The following ART3 variants were observed in gnomAD, a reference collection of about 807,000 sequenced individuals.
The protein encoded by ART3 is ADP-ribosyltransferase 3 (inactive).
ART3 carries 49 observed loss-of-function variants against 48.5 expected under a neutral mutation model. The ratio of observed to expected loss-of-function variants is 1.01; its 90% CI spans 0.80 to 1.28. The LOEUF is 1.28. Among genes scored for constraint, ART3 ranks in the 50% most tolerant of loss-of-function variants. ART3 has a pLI of 0.00. For synonymous variants in ART3, 145 were observed against 157.2 expected (o/e 0.92, Z 0.58); for missense variants, 438 against 454.3 (o/e 0.96, Z 0.33).
rs187621477 is a variant in ART3, at chr4:76,030,529, A to G, written c.-10+19209A>G. On this transcript the variant is annotated intron_variant, in intron 1 of 9. Transcript: ENST00000341029. ...CATTTTAACCATTTAAAAGAGTACAATTCAGTGGAGTTAAGTACTTTCACA... is the reference window on the plus strand; with the variant it reads ...CATTTTAACCATTTAAAAGAGTACAGTTCAGTGGAGTTAAGTACTTTCACA... Among the ~76,000 whole-genome samples the G allele has an allele frequency of 2.8e-3, 429 of 152,352 alleles. 3 individuals carry two copies. The highest frequency in any genetic ancestry group is 9.8e-3 in the African/African-American group (406 of 41,580).
At chr4:76,107,525 A>G in intron 10 of ART3, 1 of 325,358 alleles carries the variant, frequency 3.1e-6, no homozygotes, top group Non-Finnish European at 5.6e-6. Context: ...TTTGTGAATA[A>G]AATTTTAACT....
At chr4:76,032,704 C>T (rs564738112) in intron 1 of ART3, among the ~76,000 whole-genome samples, 18 of 151,796 alleles carry the variant, frequency 1.2e-4, no homozygotes, top group African/African-American at 3.6e-4. Flanking sequence ...CCTGCCTCAG[C>T]TTCCTGAGTA....
chr4:76,105,507 C>A, intron 10 of ART3: 1 of 1,287,606 alleles, frequency 7.8e-7, no homozygotes, highest in Non-Finnish European at 1.0e-6. Context: ...ATCTGAAAAC[C>A]TCTTTCTTGT....
At chr4:76,106,188 T>G (rs1381279540) in intron 10 of ART3, 9 of 985,340 alleles carry the variant, frequency 9.1e-6, no homozygotes, top group Admixed American at 6.1e-5. Flanking sequence ...TCAAGCTTTG[T>G]TCACTTTGTG....
rs576213314 is a variant in ART3 at position 76,069,650 on chromosome 4, A to G, written c.-9-6231A>G. Among the ~76,000 whole-genome samples the G allele has an allele frequency of 1.4e-3, 212 of 151,980 alleles. 5 individuals carry two copies. The South Asian group carries it at 0.04, about 29-fold the overall frequency. On this transcript the variant is annotated intron_variant, in intron 1 of 9. Coordinates refer to the ART3 transcript ENST00000341029. Reference sequence around the variant, plus strand: ...AGTGATCCGCCTGCCTTGGCCTCCCAAAGTCCTGGGATTACAGGCATGAGC... The same window carrying G: ...AGTGATCCGCCTGCCTTGGCCTCCCGAAGTCCTGGGATTACAGGCATGAGC...
At chr4:76,096,729 G>A (rs148279652) in intron 3 of ART3, among the ~76,000 whole-genome samples, 5 of 152,330 alleles carry the variant, frequency 3.3e-5, no homozygotes, top group African/African-American at 1.2e-4. Flanking sequence ...GGCATCACCA[G>A]TGAGAGCATC....
chr4:76,075,810 G>C, intron 1 of ART3, 71 bp from the exon 2 acceptor site: 1 of 1,160,770 alleles, frequency 8.6e-7, no homozygotes, highest in South Asian at 1.4e-5. Context: ...AATACGCAGT[G>C]TCATCCTATT....
intron 1 of ART3, among the ~76,000 whole-genome samples, chr4:76,019,897 CT>C (rs1481984933): frequency 6.6e-6 from 1 of 152,038 alleles, no homozygotes; most frequent in Non-Finnish European, 1.5e-5. Context: ...GCTATTTTTT[CT>C]TTCATCAGCA....
chr4:76,108,220 A>G (rs944119060), intron 11 of ART3, among the ~76,000 whole-genome samples: 3 of 152,142 alleles, frequency 2.0e-5, no homozygotes, highest in African/African-American at 7.2e-5. Flanking sequence ...AATCAACATC[A>G]TGTCTAAAGT....
intron 5 of ART3, chr4:76,099,374 C>T (rs1726759989): frequency 4.5e-6 from 1 of 224,188 alleles, no homozygotes; most frequent in Non-Finnish European, 8.9e-6. Context: ...TATTTCTTAG[C>T]TGAAGAAAAT....
chr4:76,087,272 T>C (rs1297931950), intron 3 of ART3, among the ~76,000 whole-genome samples: 1 of 152,160 alleles, frequency 6.6e-6, no homozygotes, highest in East Asian at 1.9e-4. Flanking sequence ...TGCGGGTCAT[T>C]GTGGAGGCGC....
At chr4:76,081,126 G>A (rs1157186432) in intron 2 of ART3, among the ~76,000 whole-genome samples, 25 of 152,232 alleles carry the variant, frequency 1.6e-4, no homozygotes, top group Admixed American at 7.8e-4. Context: ...GTATGTTTTC[G>A]GGTCCTCATC....
chr4:76,029,602 T>A (rs1371009199), intron 1 of ART3, among the ~76,000 whole-genome samples: 1 of 152,222 alleles, frequency 6.6e-6, no homozygotes, highest in Non-Finnish European at 1.5e-5. Context: ...GTGTACTACT[T>A]ATAATCCACA....
At chr4:76,059,583 T>C (rs1477912833) in intron 1 of ART3, among the ~76,000 whole-genome samples, 4 of 152,166 alleles carry the variant, frequency 2.6e-5, no homozygotes, top group African/African-American at 9.6e-5. Flanking sequence ...TTCTTAAATA[T>C]GTTCTCAACT....
At chr4:76,059,317 A>G (rs1374112981) in intron 1 of ART3, among the ~76,000 whole-genome samples, 1 of 151,828 alleles carries the variant, frequency 6.6e-6, no homozygotes, top group African/African-American at 2.4e-5. Context: ...TGCAAGGTCC[A>G]AAGATCAATT....
At chr4:76,056,247 C>A (rs1185770896) in intron 1 of ART3, among the ~76,000 whole-genome samples, 2 of 152,156 alleles carry the variant, frequency 1.3e-5, no homozygotes, top group African/African-American at 2.4e-5. Context: ...CTTCCAGAAC[C>A]CTTGAAGTTT....
chr4:76,052,718 C>CTTTT lies in ART3; in HGVS notation c.-9-23152_-9-23149dup, dbSNP rs55799556. Among the ~76,000 whole-genome samples, 205 of 115,104 alleles carry CTTTT rather than the reference C, an allele frequency of 1.8e-3. 3 individuals are homozygous for CTTTT. Among genetic ancestry groups the CTTTT allele is most frequent in the African/African-American group, 8.4e-3 (179 of 21,410 alleles). The allele number at this position is 115,104 out of a possible 152,430, so 75.5% of individuals were successfully genotyped here. ...CGTGTACCCAATTTCTTTTTTCCTT[C>CTTTT]TTTTTTTTTTTTTTAAGACAGAGTC... On this transcript the variant is annotated intron_variant, in intron 1 of 9. Transcript: ENST00000341029.
chr4:76,043,738 T>C (rs1350941562), intron 1 of ART3, among the ~76,000 whole-genome samples: 2 of 150,048 alleles, frequency 1.3e-5, no homozygotes, highest in Admixed American at 6.6e-5. Context: ...GCTCCCACAG[T>C]GCAGCAGTGG....
rs995675984 is a variant in ART3, at chr4:76,033,519, A to T, written c.-10+22199A>T. Among the ~76,000 whole-genome samples the T allele has an allele frequency of 2.6e-5, 4 of 152,248 alleles. No individual in the cohort carries two copies. In the East Asian group the frequency reaches 7.7e-4, roughly 29 times the overall value. On this transcript the variant is annotated intron_variant, in intron 1 of 9. Coordinates refer to the ART3 transcript ENST00000341029. ...TCCAAGTAAGAAGGGGGTTTGGACT[A>T]TCAAGACCCCCCAAGGCCGACAAAA...
Sources: gnomAD v4.1 joint callset for allele counts (sites outside exome capture counted in the v4.1 genomes callset) on GRCh38, gnomAD v4.1.1 for gene constraint, MANE v1.5 for transcripts, NCBI Gene and HGNC (gene_info 2026-07-23, HGNC 2026-07-21) for gene names.